Variants in SMC5 observed in about 807,000 individuals in gnomAD.
SMC5 encodes structural maintenance of chromosomes 5, also known as structural maintenance of chromosomes protein 5.
In SMC5, 88 loss-of-function variants were observed where a neutral mutation model predicts 148.3. The observed-to-expected ratio is 0.59, with a 90% CI of 0.50 to 0.71. The LOEUF is 0.71. Ranked by LOEUF, SMC5 falls within the 30% of genes least tolerant of loss-of-function variation. The pLI is 0.00. For synonymous variants in SMC5, 421 were observed against 432.8 expected (o/e 0.97, Z 0.34); for missense variants, 1,142 against 1,298.9 (o/e 0.88, Z 1.86).
At chr9:70,286,654 T>A (rs906653550) in intron 8 of SMC5, 1 of 160,404 alleles carries the variant, frequency 6.2e-6, no homozygotes, top group African/African-American at 2.4e-5. Context: ...AAAATGCGTA[T>A]GTACCTTTAT....
At chr9:70,326,127 T>C (rs1159146903) in intron 17 of SMC5, among the ~76,000 whole-genome samples, 1 of 152,188 alleles carries the variant, frequency 6.6e-6, no homozygotes, top group Non-Finnish European at 1.5e-5. Context: ...ATAATTCACC[T>C]ATGAAAATAT....
At position 70,259,008 on chromosome 9, in the gene SMC5, A is replaced by ATGGGCGCT. The variant is rs1464729583; in HGVS notation, c.-63_-56dup. ...GCGCGGGAGCGGGGCGCCTGGGTGG[A>ATGGGCGCT]TGGGCGCTTGGGCGCCTGGGCTGCC... On this transcript the variant is annotated 5_prime_UTR_variant, in exon 1 of 25. The change creates a premature stop within an existing upstream ORF in the 5' untranslated region. Coordinates refer to ENST00000361138, the MANE Select transcript of SMC5 (RefSeq NM_015110.4). The ATGGGCGCT allele has an allele frequency of 6.1e-6, 9 of 1,479,606 alleles. No homozygotes were observed. The highest frequency in any genetic ancestry group is 5.0e-5 in the East Asian group (2 of 40,376). 91.7% of individuals were successfully genotyped at this position (1,479,606 alleles called of 1,614,324 possible).
chr9:70,306,951 A>G (rs887945432), intron 11 of SMC5, among the ~76,000 whole-genome samples: 1 of 152,152 alleles, frequency 6.6e-6, no homozygotes. Flanking sequence ...AATTTTTGCC[A>G]TTTCTACATA....
intron 24 of SMC5, among the ~76,000 whole-genome samples, chr9:70,351,621 A>G (rs1001170461): frequency 6.6e-6 from 1 of 152,170 alleles, no homozygotes; most frequent in Non-Finnish European, 1.5e-5. Context: ...ACTCTTTTCC[A>G]AGGTCTGCCA....
chr9:70,309,392 G>A (rs2035600625), intron 11 of SMC5, among the ~76,000 whole-genome samples: 1 of 135,592 alleles, frequency 7.4e-6, no homozygotes, highest in African/African-American at 2.8e-5. Flanking sequence ...GAGTGGAATG[G>A]CCTCGCAAAA....
chr9:70,348,230 G>A (rs1234455626), intron 22 of SMC5, among the ~76,000 whole-genome samples, 192 bp downstream of exon 22: 1 of 152,018 alleles, frequency 6.6e-6, no homozygotes, highest in Non-Finnish European at 1.5e-5. Context: ...GGTTATGTTT[G>A]GAATTAGTGA....
intron 7 of SMC5, among the ~76,000 whole-genome samples, chr9:70,283,782 T>C (rs2034821403): frequency 1.3e-5 from 2 of 152,094 alleles, no homozygotes; most frequent in Admixed American, 6.5e-5. Context: ...TAGTGTGTTA[T>C]GAACTTAGCA....
At chr9:70,348,771 T>C (rs1304289799) in intron 22 of SMC5, among the ~76,000 whole-genome samples, 2 of 152,202 alleles carry the variant, frequency 1.3e-5, no homozygotes, top group Non-Finnish European at 2.9e-5. Context: ...TGTAAGTTTA[T>C]GCATTGCAAT....
At chr9:70,323,176 T>G (rs2035991029) in intron 15 of SMC5, among the ~76,000 whole-genome samples, 1 of 152,242 alleles carries the variant, frequency 6.6e-6, no homozygotes, top group Admixed American at 6.5e-5. Flanking sequence ...AGCCTTAGTT[T>G]CTTCATCTTT....
At chr9:70,313,579 C>T (rs2035716625) in intron 11 of SMC5, among the ~76,000 whole-genome samples, 1 of 152,046 alleles carries the variant, frequency 6.6e-6, no homozygotes, top group Non-Finnish European at 1.5e-5. Context: ...CTAACTGCAA[C>T]CGCTGCCTCC....
chr9:70,279,673 C>T (rs1047879863), intron 5 of SMC5, among the ~76,000 whole-genome samples: 3 of 151,668 alleles, frequency 2.0e-5, no homozygotes, highest in Non-Finnish European at 4.4e-5. Flanking sequence ...AAAAATTAGC[C>T]GGGTGTGATG....
chr9:70,284,651 T>C (rs1367117644), intron 7 of SMC5, among the ~76,000 whole-genome samples: 1 of 152,228 alleles, frequency 6.6e-6, no homozygotes, highest in Non-Finnish European at 1.5e-5. Context: ...ATTAGGCTCA[T>C]TGTCAAACAT....
At position 70,352,762 on chromosome 9, in the gene SMC5, T is replaced by C. The variant is rs2036832602; in HGVS notation, c.*431T>C. The C allele has an allele frequency of 6.5e-6, 1 of 153,226 alleles. No homozygotes were observed. The highest frequency in any genetic ancestry group is 1.5e-5 in the Non-Finnish European group (1 of 68,760). 9.5% of individuals were successfully genotyped at this position (153,226 alleles called of 1,614,324 possible). A position where few individuals can be genotyped will look rare whatever the true frequency, so the allele number is the denominator to read the frequency against. ...TTTCTCCCAATGTTATATTTAATTT[T>C]AAAAAATTGATATGAAAATGTCTAA... is the stretch of plus-strand genomic sequence containing the variant. On this transcript the variant is annotated 3_prime_UTR_variant, in exon 25 of 25. Coordinates refer to ENST00000361138, the MANE Select transcript of SMC5 (RefSeq NM_015110.4).
In SMC5 at chr9:70,353,538, T is replaced by C. The variant is rs2036847934; in HGVS notation, c.*1207T>C. 1 of 152,246 alleles carries C rather than the reference T, an allele frequency of 6.6e-6. No homozygotes were observed. The highest frequency in any genetic ancestry group is 1.5e-5 in the Non-Finnish European group (1 of 68,024). 9.4% of individuals were successfully genotyped at this position (152,246 alleles called of 1,614,324 possible). On this transcript the variant is annotated 3_prime_UTR_variant, in exon 25 of 25. Transcript: ENST00000361138. ...GTGCCAGTAATGACAAAATTATTTT[T>C]TTGACTTGCTTGCCTGAATAAATTG...
At position 70,324,884 on chromosome 9, in the gene SMC5, T is replaced by C. The variant is rs149809949; in HGVS notation, c.2397+741T>C. Among the ~76,000 whole-genome samples, 597 of 152,232 alleles carry C rather than the reference T, an allele frequency of 3.9e-3. 3 individuals carry two copies. Among genetic ancestry groups the C allele is most frequent in the African/African-American group, 0.013 (552 of 41,524 alleles). ...TTAAGAGACACAGGGCAACCAACAT[T>C]TTGGAGGTTCCTAAACTCAAAAGTT... On this transcript the variant is annotated intron_variant, in intron 17 of 24. Coordinates refer to ENST00000361138, the MANE Select transcript of SMC5 (RefSeq NM_015110.4).
Position 70,295,128 on chromosome 9 carries a change from C to T in SMC5, c.1054-2838C>T, listed in dbSNP as rs118040743. On this transcript the variant is annotated intron_variant, in intron 8 of 24. Coordinates refer to ENST00000361138, the MANE Select transcript of SMC5 (RefSeq NM_015110.4). ...CCACTTGAGAGGGCTCTGGGGAGAA[C>T]AGGTGTCTTCCAGAAATAGCCAAGT... Among the ~76,000 whole-genome samples, 7 of 152,070 alleles carry T rather than the reference C, an allele frequency of 4.6e-5. No individual in the cohort carries two copies. In the East Asian group the frequency reaches 1.4e-3, roughly 29 times the overall value.
intron 11 of SMC5, among the ~76,000 whole-genome samples, chr9:70,310,518 G>A (rs561861057): frequency 1.3e-5 from 2 of 152,222 alleles, no homozygotes; most frequent in African/African-American, 4.8e-5. Context: ...TACAGAGCAC[G>A]GGCAGAGTAG....
At chr9:70,288,555 T>C (rs2034971043) in intron 8 of SMC5, among the ~76,000 whole-genome samples, 1 of 152,086 alleles carries the variant, frequency 6.6e-6, no homozygotes, top group African/African-American at 2.4e-5. Context: ...TGTGTTTCTT[T>C]TATTTTTCAT....
chr9:70,287,836 T>C (rs984951069), intron 8 of SMC5, among the ~76,000 whole-genome samples: 1 of 152,160 alleles, frequency 6.6e-6, no homozygotes, highest in African/African-American at 2.4e-5. Context: ...TTCTGGGGTT[T>C]TTGTTTGTTT....
Sources: allele counts gnomAD v4.1 joint callset (sites outside exome capture counted in the v4.1 genomes callset), GRCh38; gene constraint gnomAD v4.1.1; transcripts MANE v1.5; gene names NCBI Gene and HGNC (gene_info 2026-07-23, HGNC 2026-07-21).